LHFPL3: variants seen among roughly 807,000 people sequenced by gnomAD.
LHFPL3 encodes LHFPL tetraspan subfamily member 3, also known as LHFPL tetraspan subfamily member 3 protein.
Under a neutral mutation model 19.3 loss-of-function variants are expected in LHFPL3, and 5 were observed. The ratio of observed to expected loss-of-function variants is 0.26; its 90% CI spans 0.14 to 0.54. The LOEUF is 0.54. Ranked by LOEUF, LHFPL3 falls within the 20% of genes least tolerant of loss-of-function variation. The pLI, the probability that LHFPL3 is intolerant of heterozygous loss-of-function variation, is 0.94. For missense variants in LHFPL3, 249 were observed against 307.4 expected, an observed-to-expected ratio of 0.81 and a Z score of 1.42; for synonymous variants, 133 against 126.2, an observed-to-expected ratio of 1.05 and a Z score of -0.36.
At chr7:104,337,158 C>T (rs1394342734) in intron 1 of LHFPL3, among the ~76,000 whole-genome samples, 1 of 151,902 alleles carries the variant, frequency 6.6e-6, no homozygotes, top group Non-Finnish European at 1.5e-5. Flanking sequence ...TTATAATTGA[C>T]AGAAGGCTCA....
chr7:104,642,041 T>C (rs1426892751), intron 1 of LHFPL3, among the ~76,000 whole-genome samples: 1 of 146,714 alleles, frequency 6.8e-6, no homozygotes, highest in African/African-American at 2.5e-5. Context: ...TTACTTTTTT[T>C]TTTTTTTTTT....
At chr7:104,464,240 A>C (rs747770174) in intron 1 of LHFPL3, among the ~76,000 whole-genome samples, 25 of 152,212 alleles carry the variant, frequency 1.6e-4, no homozygotes, top group Middle Eastern at 3.2e-3. Flanking sequence ...TGACTCCCAC[A>C]GCTTTGAGCA....
At chr7:104,365,888 G>A (rs62486511) in intron 1 of LHFPL3, among the ~76,000 whole-genome samples, 2 of 151,968 alleles carry the variant, frequency 1.3e-5, no homozygotes, top group East Asian at 1.9e-4. Flanking sequence ...GTAGAGAAAA[G>A]GTTTGGAACA....
chr7:104,892,362 G>A (rs1792265339), intron 2 of LHFPL3, among the ~76,000 whole-genome samples: 1 of 152,076 alleles, frequency 6.6e-6, no homozygotes, highest in Non-Finnish European at 1.5e-5. Context: ...TCAGCTCACT[G>A]TAAAAATAAA....
intron 1 of LHFPL3, among the ~76,000 whole-genome samples, chr7:104,490,771 G>T (rs1452726909): frequency 6.6e-6 from 1 of 152,118 alleles, no homozygotes; most frequent in Non-Finnish European, 1.5e-5. Context: ...TTTTCAGATA[G>T]GGCAATGTGT....
intron 1 of LHFPL3, among the ~76,000 whole-genome samples, chr7:104,462,063 G>T (rs1211540204): frequency 6.6e-6 from 1 of 152,160 alleles, no homozygotes; most frequent in Admixed American, 6.5e-5. Flanking sequence ...TGGTATATAA[G>T]AATGCTACTG....
intron 1 of LHFPL3, among the ~76,000 whole-genome samples, chr7:104,347,007 T>C (rs1790080503): frequency 6.7e-6 from 1 of 149,358 alleles, no homozygotes. Flanking sequence ...TGTATGACCT[T>C]GGACCAGTTC....
intron 2 of LHFPL3, among the ~76,000 whole-genome samples, chr7:104,808,021 C>G (rs563324094): frequency 1.8e-4 from 28 of 152,314 alleles, no homozygotes; most frequent in African/African-American, 6.7e-4. Context: ...TACTCCATCT[C>G]GGCTGAAGAG....
At chr7:104,422,691 G>A (rs1478496280) in intron 1 of LHFPL3, among the ~76,000 whole-genome samples, 1 of 151,954 alleles carries the variant, frequency 6.6e-6, no homozygotes, top group Non-Finnish European at 1.5e-5. Context: ...TGTACAAAGG[G>A]GATAATAATA....
chr7:104,448,423 C>A (rs368972564), intron 1 of LHFPL3, among the ~76,000 whole-genome samples: 1 of 152,114 alleles, frequency 6.6e-6, no homozygotes, highest in Non-Finnish European at 1.5e-5. Context: ...TTGGTAAACA[C>A]GCATTATTTA....
At chr7:104,677,596 A>C (rs1792616160) in intron 1 of LHFPL3, among the ~76,000 whole-genome samples, 1 of 152,198 alleles carries the variant, frequency 6.6e-6, no homozygotes, top group Admixed American at 6.5e-5. Flanking sequence ...TTACAGAAGA[A>C]GAAGCTAGGA....
chr7:104,843,599 A>G (rs899479081), intron 2 of LHFPL3, among the ~76,000 whole-genome samples: 2 of 152,234 alleles, frequency 1.3e-5, no homozygotes, highest in South Asian at 2.1e-4. Context: ...AAATACTCAC[A>G]TCCTGAAAAG....
chr7:104,871,434 T>C (rs962211978), intron 2 of LHFPL3, among the ~76,000 whole-genome samples: 18 of 152,174 alleles, frequency 1.2e-4, no homozygotes, highest in Admixed American at 1.2e-3. Context: ...GGTGAATGAA[T>C]GTGAAGGCCT....
At chr7:104,407,707 T>C (rs1190530996) in intron 1 of LHFPL3, among the ~76,000 whole-genome samples, 1 of 152,230 alleles carries the variant, frequency 6.6e-6, no homozygotes, top group African/African-American at 2.4e-5. Context: ...ATGTGACCTG[T>C]GACTTGAAAG....
intron 2 of LHFPL3, among the ~76,000 whole-genome samples, chr7:104,858,127 A>G (rs1584579928): frequency 2.0e-5 from 3 of 152,322 alleles, no homozygotes; most frequent in South Asian, 4.1e-4. Flanking sequence ...TTCCTGGGGC[A>G]AAATAAACCT....
At chr7:104,483,972 G>A (rs550811249) in intron 1 of LHFPL3, among the ~76,000 whole-genome samples, 1 of 152,282 alleles carries the variant, frequency 6.6e-6, no homozygotes, top group East Asian at 1.9e-4. Context: ...TAAGATTCAA[G>A]TTAATGAACA....
chr7:104,597,835 T>TA (rs1790892749), intron 1 of LHFPL3, among the ~76,000 whole-genome samples: 1 of 152,234 alleles, frequency 6.6e-6, no homozygotes, highest in Non-Finnish European at 1.5e-5. Flanking sequence ...TTACAATTTT[T>TA]ACCCCAATAT....
chr7:104,536,446 G>A (rs1442111354), intron 1 of LHFPL3, among the ~76,000 whole-genome samples: 1 of 152,028 alleles, frequency 6.6e-6, no homozygotes, highest in East Asian at 1.9e-4. Flanking sequence ...TTCATCCCCA[G>A]GCCGATTGGA....
intron 1 of LHFPL3, among the ~76,000 whole-genome samples, chr7:104,540,808 C>T (rs1794471737): frequency 6.6e-6 from 1 of 152,094 alleles, no homozygotes; most frequent in Admixed American, 6.6e-5. Context: ...GGACCTAGCC[C>T]TGTTCAATTT....
Sources: gnomAD v4.1 joint callset for allele counts (sites outside exome capture counted in the v4.1 genomes callset) on GRCh38, gnomAD v4.1.1 for gene constraint, MANE v1.5 for transcripts, NCBI Gene and HGNC (gene_info 2026-07-23, HGNC 2026-07-21) for gene names.